CHST8: variants seen among roughly 807,000 people sequenced by gnomAD.
The protein encoded by CHST8 is carbohydrate sulfotransferase 8, also known as GALNAC-4-ST1.
CHST8 carries 10 observed loss-of-function variants against 15.0 expected under a neutral mutation model. That is an observed-to-expected ratio of 0.67 (90% CI 0.41 to 1.13). The LOEUF is 1.13. CHST8 is among the 50% of genes most tolerant of loss of function. CHST8 has a pLI of 0.00. For synonymous variants in CHST8, 259 were observed against 256.6 expected, an observed-to-expected ratio of 1.01 and a Z score of -0.09; for missense variants, 634 against 608.2, an observed-to-expected ratio of 1.04 and a Z score of -0.45.
At chr19:33,711,781 G>A (rs554874941) in intron 3 of CHST8, among the ~76,000 whole-genome samples, 48 of 152,106 alleles carry the variant, frequency 3.2e-4, no homozygotes, top group Non-Finnish European at 3.4e-4. Flanking sequence ...ATAGGTGCAC[G>A]CCACCACACC....
chr19:33,729,650 C>T (rs921804253), intron 3 of CHST8, among the ~76,000 whole-genome samples: 2 of 152,114 alleles, frequency 1.3e-5, no homozygotes, highest in South Asian at 4.1e-4. Context: ...GTCCACTGGC[C>T]AAAGCATACA....
intron 3 of CHST8, among the ~76,000 whole-genome samples, chr19:33,743,513 G>A (rs1974244580): frequency 6.6e-6 from 1 of 151,996 alleles, no homozygotes; most frequent in Non-Finnish European, 1.5e-5. Context: ...GTGTTAGCCA[G>A]GATGGTCTCG....
intron 3 of CHST8, among the ~76,000 whole-genome samples, chr19:33,764,946 G>A (rs1974803469): frequency 6.6e-6 from 1 of 151,532 alleles, no homozygotes; most frequent in African/African-American, 2.4e-5. Flanking sequence ...ACAATGTTTG[G>A]TTTTCCATTC....
chr19:33,729,367 G>C (rs1973955715), intron 3 of CHST8, among the ~76,000 whole-genome samples: 1 of 152,230 alleles, frequency 6.6e-6, no homozygotes, highest in African/African-American at 2.4e-5. Context: ...ACAGTTCATG[G>C]CATAGGAGCT....
intron 1 of CHST8, among the ~76,000 whole-genome samples, chr19:33,650,121 T>A (rs1972415510): frequency 6.6e-6 from 1 of 152,172 alleles, no homozygotes. Flanking sequence ...GGTCAGTTGT[T>A]GTGTCTAAAC....
chr19:33,652,519 G>C (rs1972462645), intron 1 of CHST8, among the ~76,000 whole-genome samples: 1 of 151,618 alleles, frequency 6.6e-6, no homozygotes, highest in South Asian at 2.1e-4. Flanking sequence ...GGGACTACAG[G>C]CGCCCAGCAA....
intron 1 of CHST8, among the ~76,000 whole-genome samples, chr19:33,624,642 T>C (rs12610868): frequency 0.43 from 65,233 of 152,074 alleles, 14,798 homozygotes; most frequent in Middle Eastern, 0.61. Context: ...TCAGAATTTG[T>C]CTTCAGTTCT....
chr19:33,709,921 G>A (rs1973516341), intron 3 of CHST8, among the ~76,000 whole-genome samples: 1 of 152,100 alleles, frequency 6.6e-6, no homozygotes, highest in Non-Finnish European at 1.5e-5. Flanking sequence ...AGAACCTCCT[G>A]CCTCAGCCTC....
chr19:33,725,034 C>T (rs1034655568), intron 3 of CHST8, among the ~76,000 whole-genome samples: 2 of 152,110 alleles, frequency 1.3e-5, no homozygotes, highest in Non-Finnish European at 2.9e-5. Context: ...CATCAGGAGA[C>T]CAGCACTGCT....
chr19:33,762,522 G>T (rs182598391), intron 3 of CHST8, among the ~76,000 whole-genome samples: 2 of 152,244 alleles, frequency 1.3e-5, no homozygotes, highest in South Asian at 4.1e-4. Flanking sequence ...GCCGTCAGGC[G>T]CTCATCGGCC....
chr19:33,670,094 C>T (rs577329246), intron 2 of CHST8, among the ~76,000 whole-genome samples: 59 of 152,270 alleles, frequency 3.9e-4, no homozygotes, highest in African/African-American at 1.4e-3. Context: ...CATTTCCTGC[C>T]AAGCATCAGC....
At chr19:33,770,094 G>T (rs142191660) in intron 3 of CHST8, among the ~76,000 whole-genome samples, 2 of 152,304 alleles carry the variant, frequency 1.3e-5, no homozygotes, top group Admixed American at 6.5e-5. Flanking sequence ...CATTGTCTGG[G>T]GCATGGCAGT....
intron 3 of CHST8, among the ~76,000 whole-genome samples, chr19:33,718,656 C>A (rs1973714127): frequency 6.6e-6 from 1 of 152,232 alleles, no homozygotes; most frequent in Non-Finnish European, 1.5e-5. Context: ...CCTTCGCTGT[C>A]ATTATGCTGG....
At chr19:33,711,300 C>T (rs1490351427) in intron 3 of CHST8, among the ~76,000 whole-genome samples, 1 of 152,186 alleles carries the variant, frequency 6.6e-6, no homozygotes, top group Admixed American at 6.5e-5. Flanking sequence ...TTGATATCTA[C>T]ACAGACAGGA....
At chr19:33,649,160 T>TC (rs1774462312) in intron 1 of CHST8, among the ~76,000 whole-genome samples, 1 of 152,066 alleles carries the variant, frequency 6.6e-6, no homozygotes, top group African/African-American at 2.4e-5. Flanking sequence ...CACCTCAGCC[T>TC]CCCAAAGTGC....
chr19:33,638,281 C>G (rs1972232565), intron 1 of CHST8, among the ~76,000 whole-genome samples: 1 of 152,190 alleles, frequency 6.6e-6, no homozygotes, highest in Non-Finnish European at 1.5e-5. Flanking sequence ...CCTCCAGCCC[C>G]TCCAGCCTCC....
chr19:33,673,935 G>A (rs1429536004), intron 2 of CHST8, among the ~76,000 whole-genome samples: 1 of 152,108 alleles, frequency 6.6e-6, no homozygotes, highest in Admixed American at 6.5e-5. Flanking sequence ...TGTATTTTTA[G>A]TAGATACGGG....
chr19:33,707,328 A>G (rs2376988), intron 3 of CHST8, among the ~76,000 whole-genome samples: 21,706 of 152,146 alleles, frequency 0.14, 1,623 homozygotes, highest in Middle Eastern at 0.23. Flanking sequence ...TGCTGGGATT[A>G]CACGCATGAG....
At position 33,773,464 on chromosome 19, in the gene CHST8, T is replaced by G; in HGVS notation, c.*401T>G. ...GCTTTTCTACGAGCCAGGGGGGAGG[T>G]TCCCTTGGATTAAGGTTCCAAATAA... On this transcript the variant is annotated 3_prime_UTR_variant, in exon 5 of 5. Transcript: ENST00000650847. 2 of 200,910 alleles carry G rather than the reference T, an allele frequency of 1.0e-5. No homozygotes were observed. The highest frequency in any genetic ancestry group is 1.0e-5 in the Non-Finnish European group (1 of 98,410). The allele number at this position is 200,910 out of a possible 1,614,324, so 12.4% of individuals were successfully genotyped here. A position where few individuals can be genotyped will look rare whatever the true frequency, so the allele number is the denominator to read the frequency against.
Sources: allele counts gnomAD v4.1 joint callset (sites outside exome capture counted in the v4.1 genomes callset), GRCh38; gene constraint gnomAD v4.1.1; transcripts MANE v1.5; gene names NCBI Gene and HGNC (gene_info 2026-07-23, HGNC 2026-07-21).